The following CHLSN variants were observed in gnomAD, a reference collection of about 807,000 sequenced individuals.
The protein encoded by CHLSN is cholesin, also known as protein cholesin.
the CHLSN span, among the ~76,000 whole-genome samples, chr7:1,036,353 G>A: frequency 8.0e-5 from 12 of 150,114 alleles, no homozygotes; most frequent in South Asian, 8.5e-4. Flanking sequence ...TGCAGGGCTC[G>A]GGTGCTCGTG....
At chr7:1,036,689 G>A in the CHLSN span, among the ~76,000 whole-genome samples, 8 of 121,690 alleles carry the variant, frequency 6.6e-5, 1 homozygote, top group East Asian at 3.8e-4. Context: ...AAAAAAATCC[G>A]ATAGGGGAAG....
the CHLSN span, among the ~76,000 whole-genome samples, chr7:1,004,734 G>A: frequency 1.3e-5 from 2 of 152,204 alleles, no homozygotes; most frequent in Non-Finnish European, 2.9e-5. Context: ...TGGTCCCTGC[G>A]CAACTGCAGA....
At chr7:1,085,262 G>C in the CHLSN span, among the ~76,000 whole-genome samples, 4 of 152,202 alleles carry the variant, frequency 2.6e-5, no homozygotes, top group African/African-American at 7.2e-5. Context: ...GGGATGAACA[G>C]AAAAATATTT....
the CHLSN span, chr7:984,365 G>A: frequency 7.2e-6 from 11 of 1,536,804 alleles, no homozygotes; most frequent in East Asian, 4.9e-5. Context: ...CCTAAGGGGG[G>A]TCTTGTGGGT....
chr7:994,945 T>C, the CHLSN span, among the ~76,000 whole-genome samples: 1 of 152,258 alleles, frequency 6.6e-6, no homozygotes, highest in Non-Finnish European at 1.5e-5. Flanking sequence ...GCCACCTGGC[T>C]TGCTGCAGGT....
At chr7:1,092,286 G>A in the CHLSN span, 2 of 1,611,874 alleles carry the variant, frequency 1.2e-6, no homozygotes, top group Non-Finnish European at 1.7e-6. Context: ...TGGCATCCGT[G>A]TCAGCCACGC....
At chr7:1,001,014 T>G in the CHLSN span, among the ~76,000 whole-genome samples, 5 of 152,192 alleles carry the variant, frequency 3.3e-5, no homozygotes, top group Admixed American at 2.6e-4. Flanking sequence ...GACGAGCAGC[T>G]CCCGGCTGCT....
At chr7:1,102,991 G>A in the CHLSN span, among the ~76,000 whole-genome samples, 1 of 152,200 alleles carries the variant, frequency 6.6e-6, no homozygotes, top group Non-Finnish European at 1.5e-5. Context: ...GAGACACTCT[G>A]TTGCCGTCTA....
the CHLSN span, among the ~76,000 whole-genome samples, chr7:1,112,720 A>C: frequency 1.3e-5 from 2 of 151,986 alleles, no homozygotes; most frequent in East Asian, 3.9e-4. Flanking sequence ...AAAAAAAAAA[A>C]AAAGAAAAAG....
chr7:987,371 G>C, the CHLSN span: 1 of 1,591,764 alleles, frequency 6.3e-7, no homozygotes, highest in Non-Finnish European at 8.5e-7. Flanking sequence ...GAGCTAGACC[G>C]CGTGCTGGGC....
the CHLSN span, among the ~76,000 whole-genome samples, chr7:1,062,681 G>A: frequency 6.6e-6 from 1 of 152,174 alleles, no homozygotes; most frequent in Non-Finnish European, 1.5e-5. Flanking sequence ...GAGGTGTTGG[G>A]GTATCCTGCA....
At chr7:985,472 AC>A in the CHLSN span, 1 of 933,446 alleles carries the variant, frequency 1.1e-6, no homozygotes, top group Non-Finnish European at 1.6e-6. Flanking sequence ...CTGAATCAGG[AC>A]CCATCCGACG....
At chr7:981,210 C>A in the CHLSN span, among the ~76,000 whole-genome samples, 1 of 150,038 alleles carries the variant, frequency 6.7e-6, no homozygotes, top group Non-Finnish European at 1.5e-5. Flanking sequence ...GCAGGAGGAT[C>A]ACTTGAACAC....
chr7:979,027 C>G, the CHLSN span, among the ~76,000 whole-genome samples: 1 of 152,212 alleles, frequency 6.6e-6, no homozygotes, highest in Non-Finnish European at 1.5e-5. Flanking sequence ...TGGGCTTCCC[C>G]ACAGCATGGC....
chr7:1,029,788 A>G, the CHLSN span, among the ~76,000 whole-genome samples: 2 of 152,338 alleles, frequency 1.3e-5, no homozygotes, highest in South Asian at 4.1e-4. Context: ...AAGGATCTGC[A>G]AGGCCGGAGT....
At chr7:1,082,684 G>A in the CHLSN span, among the ~76,000 whole-genome samples, 2 of 152,202 alleles carry the variant, frequency 1.3e-5, no homozygotes, top group East Asian at 3.9e-4. Flanking sequence ...CTGGGGGGCA[G>A]GGCAGGTGCT....
chr7:1,041,330 G>GGGTCCGCGCCGCGGGGAACGGGA, the CHLSN span, among the ~76,000 whole-genome samples: 153 of 65,942 alleles, frequency 2.3e-3, 6 homozygotes, highest in Middle Eastern at 8.8e-3. Context: ...GGGGAAGGGG[G>GGGTCCGCGCCGCGGGGAACGGGA]CCTGGGGTCC....
the CHLSN span, among the ~76,000 whole-genome samples, chr7:981,505 A>G: frequency 6.6e-6 from 1 of 151,226 alleles, no homozygotes; most frequent in African/African-American, 2.4e-5. Flanking sequence ...GATGAGGTCA[A>G]GAGATCGAGA....
the CHLSN span, among the ~76,000 whole-genome samples, chr7:1,112,311 A>ATCT: frequency 6.6e-6 from 1 of 152,234 alleles, no homozygotes; most frequent in South Asian, 2.1e-4. Flanking sequence ...CAGCAGGCTG[A>ATCT]GAAAGCCCAG....
Sources: gnomAD v4.1 joint callset for allele counts (sites outside exome capture counted in the v4.1 genomes callset) on GRCh38, gnomAD v4.1.1 for gene constraint, MANE v1.5 for transcripts, NCBI Gene and HGNC (gene_info 2026-07-23, HGNC 2026-07-21) for gene names.